Variants in CERS6 observed in about 807,000 individuals in gnomAD.
CERS6 encodes the protein ceramide synthase 6.
Under a neutral mutation model 56.8 loss-of-function variants are expected in CERS6, and 26 were observed. The observed-to-expected ratio is 0.46, with a 90% CI of 0.34 to 0.63. The LOEUF (loss-of-function observed/expected upper bound fraction) is 0.63. CERS6 is among the 30% of genes least tolerant of loss of function. The probability of loss-of-function intolerance (pLI) is 0.01; values close to 1 mark genes in which losing one functional copy is unlikely to be tolerated. For missense variants in CERS6, 415 were observed against 467.5 expected, an observed-to-expected ratio of 0.89 and a Z score of 1.04; for synonymous variants, 164 against 173.3, an observed-to-expected ratio of 0.95 and a Z score of 0.42.
At chr2:168,479,138 A>T (rs1694130619) in intron 1 of CERS6, among the ~76,000 whole-genome samples, 1 of 152,168 alleles carries the variant, frequency 6.6e-6, no homozygotes, top group Non-Finnish European at 1.5e-5. Context: ...CTACCATATG[A>T]TGACAATTTT....
At chr2:168,545,828 G>A (rs1695456652) in intron 1 of CERS6, among the ~76,000 whole-genome samples, 1 of 152,164 alleles carries the variant, frequency 6.6e-6, no homozygotes, top group East Asian at 1.9e-4. Flanking sequence ...GGAACAGCAG[G>A]CTGTTACAAG....
In CERS6 at chr2:168,691,092, G is replaced by A. The variant is rs1212629347; in HGVS notation, c.516+8G>A. On this transcript the variant is annotated splice_region_variant and intron_variant, in intron 5 of 9. Transcript: ENST00000305747. ...TACAACTACCCCTATCAGGTAAGGA[G>A]GCATTATTGTCTGGGTTTTTACACA... The A allele has an allele frequency of 1.2e-6, 2 of 1,612,282 alleles. No homozygotes were observed. The highest frequency in any genetic ancestry group is 2.2e-5 in the East Asian group (1 of 44,862).
chr2:168,471,525 A>C (rs1250318307), intron 1 of CERS6, among the ~76,000 whole-genome samples: 3 of 151,820 alleles, frequency 2.0e-5, no homozygotes, highest in Non-Finnish European at 4.4e-5. Flanking sequence ...AAAGGAAATA[A>C]ATTTGAGTTA....
intron 8 of CERS6, among the ~76,000 whole-genome samples, chr2:168,740,252 A>G (rs958990910): frequency 3.3e-5 from 5 of 152,242 alleles, no homozygotes; most frequent in African/African-American, 1.2e-4. Flanking sequence ...CACAATATGA[A>G]GAAAAAATAG....
intron 4 of CERS6, among the ~76,000 whole-genome samples, chr2:168,655,208 G>A (rs1685439534): frequency 6.6e-6 from 1 of 152,084 alleles, no homozygotes; most frequent in Non-Finnish European, 1.5e-5. Flanking sequence ...TCTTACGATG[G>A]CTTTTATCAA....
chr2:168,489,359 A>AT, intron 1 of CERS6, among the ~76,000 whole-genome samples: 1 of 151,866 alleles, frequency 6.6e-6, no homozygotes, highest in Non-Finnish European at 1.5e-5. Flanking sequence ...AAGTGTGACT[A>AT]TTTTTGAGCT....
chr2:168,567,343 C>T (rs1695901733), intron 3 of CERS6, among the ~76,000 whole-genome samples: 1 of 152,130 alleles, frequency 6.6e-6, no homozygotes, highest in African/African-American at 2.4e-5. Context: ...AGCTTTGGGA[C>T]AGAGGTCAGC....
chr2:168,479,828 G>A (rs1236129170), intron 1 of CERS6, among the ~76,000 whole-genome samples: 5 of 152,054 alleles, frequency 3.3e-5, no homozygotes, highest in Non-Finnish European at 7.4e-5. Flanking sequence ...GGCTGGTCTC[G>A]AACTTCCGAC....
intron 3 of CERS6, among the ~76,000 whole-genome samples, chr2:168,581,123 A>G (rs1425040291): frequency 1.3e-5 from 2 of 151,912 alleles, no homozygotes; most frequent in East Asian, 1.9e-4. Context: ...GGCTCAAGCA[A>G]TTCTCCTGCC....
chr2:168,670,977 C>CCCG (rs1553506528), intron 4 of CERS6, among the ~76,000 whole-genome samples: 4 of 80,368 alleles, frequency 5.0e-5, no homozygotes, highest in Non-Finnish European at 1.2e-4. Flanking sequence ...CCCCCCCCCC[C>CCCG]CCCAGACGGA....
intron 8 of CERS6, among the ~76,000 whole-genome samples, chr2:168,720,547 G>A (rs1046531316): frequency 1.3e-5 from 2 of 152,138 alleles, no homozygotes; most frequent in Non-Finnish European, 1.5e-5. Context: ...TAGCTGGGAC[G>A]TTTGGACCAG....
intron 3 of CERS6, among the ~76,000 whole-genome samples, chr2:168,593,293 G>A (rs1156820358): frequency 6.6e-6 from 1 of 152,160 alleles, no homozygotes; most frequent in Non-Finnish European, 1.5e-5. Context: ...ATTAGGATGT[G>A]GATATATTGG....
rs773569233 is a variant in CERS6, at chr2:168,772,598, G to A, written c.*2936G>A. 4 of 152,568 alleles carry A rather than the reference G, an allele frequency of 2.6e-5. No individual in the cohort carries two copies. The highest frequency in any genetic ancestry group is 9.7e-5 in the African/African-American group (4 of 41,436). The allele number at this position is 152,568 out of a possible 1,614,324, so 9.5% of individuals were successfully genotyped here. Reference sequence around the variant, plus strand: ...GTGGTAGAATCTTTTCAGCCTCTTAGCCAGTGAGCTAAATATGGCTAAGCA... The same window carrying A: ...GTGGTAGAATCTTTTCAGCCTCTTAACCAGTGAGCTAAATATGGCTAAGCA... On this transcript the variant is annotated 3_prime_UTR_variant, in exon 10 of 10. Transcript: ENST00000305747.
chr2:168,767,019 G>A (rs1684747469), intron 9 of CERS6, among the ~76,000 whole-genome samples: 1 of 152,150 alleles, frequency 6.6e-6, no homozygotes, highest in Non-Finnish European at 1.5e-5. Context: ...TCCTCATTTG[G>A]ATACAAATTT....
chr2:168,590,495 C>T (rs1406718564), intron 3 of CERS6, among the ~76,000 whole-genome samples: 3 of 152,074 alleles, frequency 2.0e-5, no homozygotes, highest in African/African-American at 7.2e-5. Context: ...ATGTAAGCCA[C>T]TTGGAAGTGA....
Position 168,547,714 on chromosome 2 carries a change from T to A in CERS6, c.276+13T>A. On this transcript the variant is annotated intron_variant, in intron 2 of 9. Transcript: ENST00000305747. ...TGCAATTACAAAGGTATGATTGTCC[T>A]TTCCTGGGGTATAGATTGTCCCCGG... The A allele has an allele frequency of 6.6e-7, 1 of 1,511,148 alleles. No individual in the cohort carries two copies. Among genetic ancestry groups the A allele is most frequent in the Non-Finnish European group, 9.2e-7 (1 of 1,086,090 alleles). 93.6% of individuals were successfully genotyped at this position (1,511,148 alleles called of 1,614,324 possible). A position where few individuals can be genotyped will look rare whatever the true frequency, so the allele number is the denominator to read the frequency against.
chr2:168,468,993 T>A (rs1337586541), intron 1 of CERS6, among the ~76,000 whole-genome samples: 1 of 152,212 alleles, frequency 6.6e-6, no homozygotes, highest in Non-Finnish European at 1.5e-5. Context: ...AGACAGACAT[T>A]TATTGATTTC....
At chr2:168,486,518 G>GTTT (rs1491580943) in intron 1 of CERS6, among the ~76,000 whole-genome samples, 19 of 136,310 alleles carry the variant, frequency 1.4e-4, no homozygotes, top group South Asian at 4.3e-4. Context: ...GTCTAGATTT[G>GTTT]GTTTTGTTTT....
rs758637978 is a variant in CERS6 at position 168,561,334 on chromosome 2, T to A, written c.407+12T>A. The stretch of plus-strand genomic sequence containing the variant: ...TTCTGTGAGAGCATGTAAGTTGCTG[T>A]TTTTCTTTTTGAAAGAAAAGACCTA... On this transcript the variant is annotated intron_variant, in intron 3 of 9. Coordinates refer to ENST00000305747, the MANE Select transcript of CERS6 (RefSeq NM_203463.3). 2.5e-6 allele frequency: 4 copies of A among 1,613,898 alleles called. No homozygotes were observed. Among genetic ancestry groups the A allele is most frequent in the Middle Eastern group, 1.7e-4 (1 of 6,056 alleles).
Sources: gnomAD v4.1 joint callset for allele counts (sites outside exome capture counted in the v4.1 genomes callset) on GRCh38, gnomAD v4.1.1 for gene constraint, MANE v1.5 for transcripts, NCBI Gene and HGNC (gene_info 2026-07-23, HGNC 2026-07-21) for gene names.